The following ESCO2 variants were observed in gnomAD, a reference collection of about 807,000 sequenced individuals.
ESCO2 encodes establishment of sister chromatid cohesion N-acetyltransferase 2.
ESCO2 carries 51 observed loss-of-function variants against 61.7 expected under a neutral mutation model. The ratio of observed to expected loss-of-function variants is 0.83; its 90% CI spans 0.66 to 1.04. ESCO2 has a LOEUF of 1.04. ESCO2 is among the 50% of genes least tolerant of loss of function. The pLI is 0.00. For synonymous variants in ESCO2, 230 were observed against 238.2 expected (o/e 0.97, Z 0.32); for missense variants, 692 against 686.2 (o/e 1.01, Z -0.09).
chr8:27,811,894 TAC>T (rs888067230), downstream of ESCO2: 3 of 152,244 alleles, frequency 2.0e-5, no homozygotes, highest in African/African-American at 7.2e-5. Context: ...TGGGTTTTGG[TAC>T]TTGTAAATAG....
upstream of ESCO2, chr8:27,772,553 G>T (rs1231998686): frequency 6.5e-7 from 1 of 1,549,068 alleles, no homozygotes; most frequent in Non-Finnish European, 8.7e-7. Flanking sequence ...TCCCGGGAGC[G>T]GTGCGGTGAC....
At chr8:27,816,343 C>A (rs1805809533), downstream of ESCO2, among the ~76,000 whole-genome samples, 8 of 136,380 alleles carry the variant, frequency 5.9e-5, no homozygotes, top group African/African-American at 5.8e-5. Context: ...TCATCGAATA[C>A]TATATATATA....
chr8:27,803,728 A>T lies in ESCO2; in HGVS notation c.*290A>T. On this transcript the variant is annotated 3_prime_UTR_variant, in exon 11 of 11. Transcript: ENST00000305188. ...ACTTTGTAGCTATAACTGGAAAATTACCTGACTCTTTGTAAGAGTATTAAA... is the reference window on the plus strand; with the variant it reads ...ACTTTGTAGCTATAACTGGAAAATTTCCTGACTCTTTGTAAGAGTATTAAA... 1 of 1,172,302 alleles carries T rather than the reference A, an allele frequency of 8.5e-7. No homozygotes were observed. Among genetic ancestry groups the T allele is most frequent in the South Asian group, 2.3e-5 (1 of 43,700 alleles). 72.6% of individuals were successfully genotyped at this position (1,172,302 alleles called of 1,614,324 possible).
At chr8:27,806,854 A>G (rs574452978), downstream of ESCO2, among the ~76,000 whole-genome samples, 1 of 152,108 alleles carries the variant, frequency 6.6e-6, no homozygotes, top group South Asian at 2.1e-4. Flanking sequence ...GACCTCCAAT[A>G]ATCCACCCAC....
downstream of ESCO2, among the ~76,000 whole-genome samples, chr8:27,815,892 GACA>G (rs1398040681): frequency 3.3e-5 from 5 of 152,268 alleles, no homozygotes; most frequent in African/African-American, 1.2e-4. Context: ...GGATTGTTCT[GACA>G]ACAAAAGTTT....
intron 1 of ESCO2, among the ~76,000 whole-genome samples, chr8:27,775,179 A>G (rs1233012540): frequency 6.6e-6 from 1 of 152,188 alleles, no homozygotes; most frequent in African/African-American, 2.4e-5. Context: ...CAGCTAGGAA[A>G]ATGGCAGAGG....
chr8:27,806,171 A>G (rs1338217657), downstream of ESCO2, among the ~76,000 whole-genome samples: 3 of 152,214 alleles, frequency 2.0e-5, no homozygotes, highest in Admixed American at 1.3e-4. Context: ...CAGTGGGGTG[A>G]TAAGTGCTCA....
chr8:27,808,889 CTGGG>C (rs1182403558), downstream of ESCO2, among the ~76,000 whole-genome samples: 33 of 152,200 alleles, frequency 2.2e-4, no homozygotes, highest in Middle Eastern at 6.8e-3. Context: ...GCAGTGCATG[CTGGG>C]ATTATTTTGT....
At chr8:27,779,385 C>G (rs921604314) in intron 3 of ESCO2, 1 of 152,118 alleles carries the variant, frequency 6.6e-6, no homozygotes, top group Non-Finnish European at 1.5e-5. Flanking sequence ...CTAGTAATTC[C>G]CAAATTAGTA....
intron 3 of ESCO2, 23 bp downstream of exon 3, chr8:27,777,192 A>C: frequency 6.3e-7 from 1 of 1,588,578 alleles, no homozygotes; most frequent in Non-Finnish European, 8.5e-7. Context: ...ATATCACTTT[A>C]AAAATGGCTG....
rs140118294 is a variant in ESCO2 at position 27,793,635 on chromosome 8, T to A, written c.1497+824T>A. Reference sequence around the variant, plus strand: ...CCAAGTAGCTGGGACTACAGCCGCGTGCCACCATGCCTGGCTAATTTTTGT... The same window carrying A: ...CCAAGTAGCTGGGACTACAGCCGCGAGCCACCATGCCTGGCTAATTTTTGT... On this transcript the variant is annotated intron_variant, in intron 9 of 10. Transcript: ENST00000305188. 7.9e-3 allele frequency among the ~76,000 whole-genome samples: 1,197 copies of A among 152,012 alleles called. 14 individuals are homozygous for A. The highest frequency in any genetic ancestry group is 0.027 in the African/African-American group (1,133 of 41,476).
At chr8:27,775,465 T>G in intron 1 of ESCO2, 34 bp from the exon 2 acceptor site, 1 of 1,565,080 alleles carries the variant, frequency 6.4e-7, no homozygotes. Context: ...ATTTTTAATA[T>G]TTTGATGAAT....
chr8:27,779,507 A>C (rs1804874906), intron 3 of ESCO2: 1 of 152,242 alleles, frequency 6.6e-6, no homozygotes, highest in African/African-American at 2.4e-5. Flanking sequence ...AGTTTATGGC[A>C]AAAAGTTGTC....
intron 3 of ESCO2, 88 bp from the exon 4 acceptor site, chr8:27,780,086 G>C: frequency 1.3e-6 from 1 of 793,602 alleles, no homozygotes; most frequent in East Asian, 2.5e-5. Context: ...CAAATCTTTT[G>C]TTTTAGAAAT....
intron 4 of ESCO2, among the ~76,000 whole-genome samples, chr8:27,780,560 A>C (rs1176451732): frequency 6.6e-6 from 1 of 152,202 alleles, no homozygotes; most frequent in Non-Finnish European, 1.5e-5. Flanking sequence ...TTCTCATTAT[A>C]AAATCATACC....
downstream of ESCO2, among the ~76,000 whole-genome samples, chr8:27,813,667 A>C (rs1209796135): frequency 1.3e-5 from 2 of 149,490 alleles, no homozygotes; most frequent in Non-Finnish European, 3.0e-5. Context: ...CTCTCAGCAA[A>C]TCTCAAGTGT....
downstream of ESCO2, among the ~76,000 whole-genome samples, chr8:27,815,435 T>G (rs926387785): frequency 1.3e-5 from 2 of 152,190 alleles, no homozygotes; most frequent in South Asian, 4.1e-4. Context: ...CATTACAGTT[T>G]AGAAGGTAGC....
At chr8:27,775,949 A>T (rs1368193551) in intron 2 of ESCO2, among the ~76,000 whole-genome samples, 1 of 152,224 alleles carries the variant, frequency 6.6e-6, no homozygotes, top group Non-Finnish European at 1.5e-5. Context: ...CAATTCTAGA[A>T]AGACTGTGTA....
intron 9 of ESCO2, among the ~76,000 whole-genome samples, chr8:27,793,166 A>C (rs1805215932): frequency 1.3e-5 from 2 of 152,190 alleles, no homozygotes; most frequent in African/African-American, 2.4e-5. Context: ...ATTAGAATCT[A>C]ATTTAGGTAC....
Sources: allele counts gnomAD v4.1 joint callset (sites outside exome capture counted in the v4.1 genomes callset), GRCh38; gene constraint gnomAD v4.1.1; transcripts MANE v1.5; gene names NCBI Gene and HGNC (gene_info 2026-07-23, HGNC 2026-07-21).